The following DLGAP2 variants were observed in gnomAD, a reference collection of about 807,000 sequenced individuals.
DLGAP2 encodes disks large-associated protein 2.
A neutral mutation model predicts 100.3 loss-of-function variants in DLGAP2; 26 were observed. That is an observed-to-expected ratio of 0.26 (90% CI 0.19 to 0.36). DLGAP2 has a LOEUF of 0.36. Ranked by LOEUF, DLGAP2 falls within the 10% of genes least tolerant of loss-of-function variation. The pLI, the probability that DLGAP2 is intolerant of heterozygous loss-of-function variation, is 1.00. For missense variants in DLGAP2, 1,858 were observed against 1,453.2 expected, an observed-to-expected ratio of 1.28 and a Z score of -4.53; for synonymous variants, 886 against 630.1, an observed-to-expected ratio of 1.41 and a Z score of -6.08.
At chr8:834,779 G>A (rs1796841963) in intron 1 of DLGAP2, among the ~76,000 whole-genome samples, 2 of 152,206 alleles carry the variant, frequency 1.3e-5, no homozygotes, top group South Asian at 4.2e-4. Context: ...TGGATGTCAG[G>A]ATCATTTGTA....
In DLGAP2 at chr8:1,243,915, A is replaced by T. The variant is rs546403889; in HGVS notation, c.74-14936A>T. The stretch of plus-strand genomic sequence containing the variant: ...CAGCATCTGTTCTCTTATTAAAGAA[A>T]CTGATCAAGTCCCTGCTGTGTGTCC... On this transcript the variant is annotated intron_variant, in intron 2 of 14. Coordinates refer to ENST00000637795, the MANE Select transcript of DLGAP2 (RefSeq NM_001346810.2). Among the ~76,000 whole-genome samples, 5 of 152,248 alleles carry T rather than the reference A, an allele frequency of 3.3e-5. No individual in the cohort carries two copies. The South Asian group carries it at 1.0e-3, about 32-fold the overall frequency.
chr8:1,680,044 T>G (rs974247251), intron 12 of DLGAP2, among the ~76,000 whole-genome samples: 1 of 151,404 alleles, frequency 6.6e-6, no homozygotes, highest in African/African-American at 2.4e-5. Flanking sequence ...CTGTATTTGA[T>G]TGACTTCTAA....
chr8:1,413,805 C>A (rs1184707731), intron 3 of DLGAP2, among the ~76,000 whole-genome samples: 2 of 152,256 alleles, frequency 1.3e-5, no homozygotes, highest in Admixed American at 6.5e-5. Flanking sequence ...CATCAGTGCA[C>A]ACACGCCTGC....
intron 2 of DLGAP2, among the ~76,000 whole-genome samples, chr8:980,138 A>T (rs145889895): frequency 2.2e-4 from 34 of 152,344 alleles, no homozygotes; most frequent in African/African-American, 8.2e-4. Context: ...GGAGTGACTG[A>T]AGAGGAGACC....
chr8:957,118 A>T (rs1252257001), intron 2 of DLGAP2, among the ~76,000 whole-genome samples: 6 of 152,208 alleles, frequency 3.9e-5, no homozygotes, highest in Admixed American at 3.3e-4. Flanking sequence ...TTAAAGAATC[A>T]GAGTCAGTTG....
At chr8:1,255,060 CA>C (rs1799157205) in intron 2 of DLGAP2, among the ~76,000 whole-genome samples, 1 of 109,982 alleles carries the variant, frequency 9.1e-6, no homozygotes, top group African/African-American at 3.6e-5. Context: ...TGTGTCCTCT[CA>C]TCCTGCCCGG....
At chr8:1,364,916 G>T (rs1206643729) in intron 3 of DLGAP2, among the ~76,000 whole-genome samples, 5 of 152,122 alleles carry the variant, frequency 3.3e-5, no homozygotes, top group Non-Finnish European at 5.9e-5. Context: ...TTTAAAACTT[G>T]GAACAGCAGC....
chr8:1,491,345 G>A (rs1028775521), intron 3 of DLGAP2, among the ~76,000 whole-genome samples: 8 of 152,276 alleles, frequency 5.3e-5, no homozygotes, highest in African/African-American at 1.9e-4. Context: ...GACCCCGGAG[G>A]CTTCGGGCCG....
chr8:1,436,470 C>G (rs908722349), intron 3 of DLGAP2, among the ~76,000 whole-genome samples: 3 of 152,184 alleles, frequency 2.0e-5, no homozygotes, highest in African/African-American at 7.2e-5. Flanking sequence ...GTGGGTCTGC[C>G]TCTCCCAGCC....
At chr8:1,411,322 C>A (rs1024015664) in intron 3 of DLGAP2, among the ~76,000 whole-genome samples, 1 of 152,180 alleles carries the variant, frequency 6.6e-6, no homozygotes. Flanking sequence ...AATCAAAACA[C>A]CAAAAATCTT....
At chr8:1,367,182 A>G (rs2129687544) in intron 3 of DLGAP2, among the ~76,000 whole-genome samples, 1 of 152,330 alleles carries the variant, frequency 6.6e-6, no homozygotes, top group South Asian at 2.1e-4. Context: ...TATCTTAGGA[A>G]TGGGGGGTTG....
At chr8:1,439,470 T>A (rs192038531) in intron 3 of DLGAP2, among the ~76,000 whole-genome samples, 40 of 152,250 alleles carry the variant, frequency 2.6e-4, no homozygotes, top group Middle Eastern at 3.4e-3. Context: ...TGCCCAGCCT[T>A]GCTGACCAGG....
intron 2 of DLGAP2, among the ~76,000 whole-genome samples, chr8:1,184,642 T>C (rs893250033): frequency 1.3e-5 from 2 of 152,022 alleles, no homozygotes; most frequent in Non-Finnish European, 2.9e-5. Context: ...TGCAAGGTCG[T>C]TTTCAGCAGG....
intron 2 of DLGAP2, among the ~76,000 whole-genome samples, chr8:1,030,826 G>A (rs1307403649): frequency 1.3e-5 from 2 of 152,164 alleles, no homozygotes; most frequent in African/African-American, 4.8e-5. Flanking sequence ...AGCCAGCGGG[G>A]CCGCGGGCGG....
chr8:1,374,217 G>A (rs1238617672), intron 3 of DLGAP2, among the ~76,000 whole-genome samples: 1 of 151,778 alleles, frequency 6.6e-6, no homozygotes. Context: ...GAAGGCTGTG[G>A]TGGAGGGTAG....
At chr8:835,023 G>T (rs1796846686) in intron 1 of DLGAP2, among the ~76,000 whole-genome samples, 1 of 152,198 alleles carries the variant, frequency 6.6e-6, no homozygotes, top group Non-Finnish European at 1.5e-5. Flanking sequence ...GGGTGCACAG[G>T]TGCATGCAGG....
chr8:778,920 G>C (rs995238687), intron 1 of DLGAP2, among the ~76,000 whole-genome samples: 1 of 152,242 alleles, frequency 6.6e-6, no homozygotes, highest in African/African-American at 2.4e-5. Flanking sequence ...CTGGGCAATG[G>C]TGGGCGCCCC....
chr8:1,273,537 C>T (rs762097060), intron 3 of DLGAP2, among the ~76,000 whole-genome samples: 4 of 152,144 alleles, frequency 2.6e-5, no homozygotes, highest in Non-Finnish European at 5.9e-5. Flanking sequence ...TGTGGATGGC[C>T]GGCAGGAACG....
chr8:1,380,779 GA>G (rs1796073480), intron 3 of DLGAP2, among the ~76,000 whole-genome samples: 1 of 151,464 alleles, frequency 6.6e-6, no homozygotes, highest in African/African-American at 2.4e-5. Flanking sequence ...TAGCTATTTC[GA>G]AAAAAGTGAC....
Sources: gnomAD v4.1 joint callset for allele counts (sites outside exome capture counted in the v4.1 genomes callset) on GRCh38, gnomAD v4.1.1 for gene constraint, MANE v1.5 for transcripts, NCBI Gene and HGNC (gene_info 2026-07-23, HGNC 2026-07-21) for gene names.